The following GRM8 variants were observed in gnomAD, a reference collection of about 807,000 sequenced individuals.
GRM8 encodes metabotropic glutamate receptor 8.
Under a neutral mutation model 87.2 loss-of-function variants are expected in GRM8, and 47 were observed. The ratio of observed to expected loss-of-function variants is 0.54; its 90% CI spans 0.43 to 0.69. The LOEUF (loss-of-function observed/expected upper bound fraction) is 0.69, where lower values mean the gene tolerates loss of function less well. GRM8 is among the 30% of genes least tolerant of loss of function. GRM8 has a pLI of 0.00. For missense variants in GRM8, 1,019 were observed against 1,139.2 expected (o/e 0.89, Z 1.52); for synonymous variants, 396 against 404.5 (o/e 0.98, Z 0.25).
At chr7:126,928,560 C>T (rs1805391218) in intron 3 of GRM8, among the ~76,000 whole-genome samples, 1 of 151,496 alleles carries the variant, frequency 6.6e-6, no homozygotes, top group Non-Finnish European at 1.5e-5. Flanking sequence ...TAGTACCAGA[C>T]ACTTGGGGGG....
rs543283213 is a variant in GRM8 at position 126,558,806 on chromosome 7, TG to T, written c.1495-24920del. Among the ~76,000 whole-genome samples the T allele has an allele frequency of 7.9e-4, 120 of 152,232 alleles. 1 individual carries two copies. Among genetic ancestry groups the T allele is most frequent in the African/African-American group, 2.8e-3 (115 of 41,540 alleles). ...AAGGGCTGACTGTACCTAAATGGCC[TG>T]TACAAAGAGCAATAAGTCATCATTC... is the stretch of plus-strand genomic sequence containing the variant. On this transcript the variant is annotated intron_variant, in intron 8 of 10. Coordinates refer to ENST00000339582, the MANE Select transcript of GRM8 (RefSeq NM_000845.3).
intron 6 of GRM8, among the ~76,000 whole-genome samples, chr7:126,777,036 A>G (rs2151628265): frequency 6.6e-6 from 1 of 152,288 alleles, no homozygotes; most frequent in South Asian, 2.1e-4. Context: ...CTGCACTAAC[A>G]AAAATACCAA....
rs570492355 is a variant in GRM8 at position 126,934,536 on chromosome 7, T to C, written c.728-29853A>G. On this transcript the variant is annotated intron_variant, in intron 3 of 10. Coordinates refer to ENST00000339582, the MANE Select transcript of GRM8 (RefSeq NM_000845.3). Reference sequence around the variant, plus strand: ...AACATTAAATAGTATGAGATTACACTTAAGGGTCAGAGACAGAAATCTCAG... The same window carrying C: ...AACATTAAATAGTATGAGATTACACCTAAGGGTCAGAGACAGAAATCTCAG... Among the ~76,000 whole-genome samples the C allele has an allele frequency of 3.3e-5, 5 of 152,294 alleles. No homozygotes were observed. In the South Asian group the frequency reaches 1.0e-3, roughly 32 times the overall value.
chr7:126,495,251 G>C (rs138749714), intron 9 of GRM8, among the ~76,000 whole-genome samples: 2 of 152,080 alleles, frequency 1.3e-5, no homozygotes, highest in African/African-American at 2.4e-5. Flanking sequence ...TTTTAGAAGA[G>C]AAAGTTGGGT....
intron 3 of GRM8, among the ~76,000 whole-genome samples, chr7:127,095,070 A>C (rs1199526263): frequency 6.6e-6 from 1 of 152,240 alleles, no homozygotes; most frequent in Non-Finnish European, 1.5e-5. Flanking sequence ...GAGACCCTTC[A>C]ACCCAGTCAG....
chr7:127,081,366 A>T (rs1822848867), intron 3 of GRM8, among the ~76,000 whole-genome samples: 1 of 152,208 alleles, frequency 6.6e-6, no homozygotes, highest in Non-Finnish European at 1.5e-5. Flanking sequence ...TTCACAATGC[A>T]ATGCAGATAT....
At chr7:126,841,929 G>C (rs1312173002) in intron 6 of GRM8, among the ~76,000 whole-genome samples, 1 of 152,002 alleles carries the variant, frequency 6.6e-6, no homozygotes, top group African/African-American at 2.4e-5. Flanking sequence ...ACCGTGACCG[G>C]CCCCAGCCTT....
chr7:126,672,335 T>C (rs1466284177), intron 7 of GRM8, among the ~76,000 whole-genome samples: 1 of 152,216 alleles, frequency 6.6e-6, no homozygotes, highest in Non-Finnish European at 1.5e-5. Context: ...CTCTTCCTCA[T>C]GTACTGTGGG....
intron 9 of GRM8, among the ~76,000 whole-genome samples, chr7:126,455,082 A>T (rs1031222714): frequency 1.3e-5 from 2 of 151,782 alleles, no homozygotes; most frequent in Non-Finnish European, 2.9e-5. Flanking sequence ...AATAACTACA[A>T]CCATAACATC....
At chr7:127,163,358 T>C (rs911258962) in intron 2 of GRM8, among the ~76,000 whole-genome samples, 1 of 152,140 alleles carries the variant, frequency 6.6e-6, no homozygotes, top group Non-Finnish European at 1.5e-5. Context: ...AACACCCTCT[T>C]TCCCTGCTGG....
At chr7:126,565,052 A>C (rs1482183147) in intron 8 of GRM8, among the ~76,000 whole-genome samples, 1 of 152,214 alleles carries the variant, frequency 6.6e-6, no homozygotes, top group Non-Finnish European at 1.5e-5. Flanking sequence ...TAGAAGGAAA[A>C]TACCTCAACA....
At chr7:127,229,666 G>A (rs2116794967) in intron 2 of GRM8, 1 of 152,256 alleles carries the variant, frequency 6.6e-6, no homozygotes, top group Non-Finnish European at 1.5e-5. Flanking sequence ...GCATAAAGAA[G>A]AAAAATAATC....
intron 3 of GRM8, among the ~76,000 whole-genome samples, chr7:127,063,227 C>T (rs146782923): frequency 0.011 from 1,575 of 149,836 alleles, 24 homozygotes; most frequent in African/African-American, 0.037. Flanking sequence ...CACTCCAGCC[C>T]GGATGACAGA....
intron 7 of GRM8, among the ~76,000 whole-genome samples, chr7:126,676,672 T>G (rs1806987835): frequency 6.6e-6 from 1 of 152,082 alleles, no homozygotes; most frequent in Non-Finnish European, 1.5e-5. Flanking sequence ...GAAAGCCACA[T>G]GTAAAAGAAT....
chr7:126,480,132 T>C (rs7811274), intron 9 of GRM8, among the ~76,000 whole-genome samples: 46,688 of 151,770 alleles, frequency 0.31, 7,968 homozygotes, highest in Non-Finnish European at 0.37. Flanking sequence ...CACCTGTAAT[T>C]CCAGCACTTT....
chr7:126,641,989 G>T (rs1372039874), intron 7 of GRM8, among the ~76,000 whole-genome samples: 2 of 152,052 alleles, frequency 1.3e-5, no homozygotes, highest in African/African-American at 4.8e-5. Context: ...AACTTGGGTG[G>T]GCACACTGCT....
chr7:126,521,405 C>T (rs1200386894), intron 9 of GRM8, among the ~76,000 whole-genome samples: 1 of 151,618 alleles, frequency 6.6e-6, no homozygotes, highest in African/African-American at 2.4e-5. Context: ...AAAATGGTAA[C>T]CTTAATTCCT....
At chr7:127,176,386 G>C (rs1021930248) in intron 2 of GRM8, among the ~76,000 whole-genome samples, 9 of 152,206 alleles carry the variant, frequency 5.9e-5, no homozygotes, top group African/African-American at 2.2e-4. Context: ...AAACAAAAAG[G>C]TTGTCAGAGT....
At chr7:126,587,828 AAAAG>A (rs1796298130) in intron 8 of GRM8, among the ~76,000 whole-genome samples, 1 of 152,148 alleles carries the variant, frequency 6.6e-6, no homozygotes, top group Non-Finnish European at 1.5e-5. Flanking sequence ...TATCATAAAA[AAAAG>A]AAAAAAAAGT....
Sources: allele counts gnomAD v4.1 joint callset (sites outside exome capture counted in the v4.1 genomes callset), GRCh38; gene constraint gnomAD v4.1.1; transcripts MANE v1.5; gene names NCBI Gene and HGNC (gene_info 2026-07-23, HGNC 2026-07-21).